The following COLEC10 variants were observed in gnomAD, a reference collection of about 807,000 sequenced individuals.
The protein encoded by COLEC10 is collectin subfamily member 10.
Under a neutral mutation model 28.4 loss-of-function variants are expected in COLEC10, and 22 were observed. That is an observed-to-expected ratio of 0.78 (90% CI 0.55 to 1.11). The LOEUF (loss-of-function observed/expected upper bound fraction) is 1.11, where lower values mean the gene tolerates loss of function less well. Ranked by LOEUF, COLEC10 falls within the 50% of genes least tolerant of loss-of-function variation. COLEC10 has a pLI of 0.00. For missense variants in COLEC10, 361 were observed against 344.1 expected (o/e 1.05, Z -0.39); for synonymous variants, 125 against 116.1 (o/e 1.08, Z -0.49).
the COLEC10 span, among the ~76,000 whole-genome samples, chr8:118,978,546 A>G: frequency 8.7e-6 from 1 of 115,470 alleles, no homozygotes; most frequent in East Asian, 2.9e-4. Context: ...CTCTTCCAAG[A>G]TAACTATTTG....
chr8:119,054,829 A>G (rs1485313), intron 2 of COLEC10, among the ~76,000 whole-genome samples: 2,190 of 152,208 alleles, frequency 0.014, 54 homozygotes, highest in African/African-American at 0.05. Flanking sequence ...AAAAGTAATT[A>G]TGTGTATAAA....
At chr8:119,013,680 G>C (rs1317895011) in intron 2 of COLEC10, among the ~76,000 whole-genome samples, 1 of 150,538 alleles carries the variant, frequency 6.6e-6, no homozygotes, top group African/African-American at 2.5e-5. Flanking sequence ...ATTAAGTATT[G>C]TTATGTCTTT....
chr8:118,997,557 T>C (rs1278082038), intron 1 of COLEC10, among the ~76,000 whole-genome samples: 1 of 152,190 alleles, frequency 6.6e-6, no homozygotes, highest in Non-Finnish European at 1.5e-5. Flanking sequence ...CATTTTTCAA[T>C]GAGAAACAGA....
chr8:119,002,733 G>A (rs1406943840), intron 1 of COLEC10, among the ~76,000 whole-genome samples: 1 of 152,124 alleles, frequency 6.6e-6, no homozygotes, highest in Non-Finnish European at 1.5e-5. Flanking sequence ...AGAAGGATGA[G>A]TAGGGTTTAC....
At chr8:118,959,267 A>T in the COLEC10 span, among the ~76,000 whole-genome samples, 1 of 152,228 alleles carries the variant, frequency 6.6e-6, no homozygotes, top group Non-Finnish European at 1.5e-5. Context: ...TAGGATGAAG[A>T]TCTGGAAGTT....
the COLEC10 span, among the ~76,000 whole-genome samples, chr8:118,988,731 C>T: frequency 1.3e-5 from 2 of 152,172 alleles, no homozygotes; most frequent in African/African-American, 4.8e-5. Flanking sequence ...GACACAGACT[C>T]TCTGAGGACT....
intron 3 of COLEC10, among the ~76,000 whole-genome samples, chr8:119,091,595 G>GAGAGAGAGAGAGAA (rs1250359009): frequency 2.9e-5 from 4 of 138,576 alleles, no homozygotes; most frequent in East Asian, 2.2e-4. Flanking sequence ...GAGAGAGAGA[G>GAGAGAGAGAGAGAA]AGAAAGAAAG....
intron 1 of COLEC10, among the ~76,000 whole-genome samples, chr8:119,079,984 T>C (rs1422100950): frequency 6.6e-6 from 1 of 152,192 alleles, no homozygotes; most frequent in African/African-American, 2.4e-5. Flanking sequence ...ATATTGTGTT[T>C]CCTTGCATTT....
intron 1 of COLEC10, among the ~76,000 whole-genome samples, chr8:118,998,963 G>A (rs1377446969): frequency 6.6e-6 from 1 of 151,414 alleles, no homozygotes; most frequent in Non-Finnish European, 1.5e-5. Context: ...TTTATTGGAT[G>A]CCCCCTATTC....
the COLEC10 span, among the ~76,000 whole-genome samples, chr8:118,971,950 C>T: frequency 6.6e-6 from 1 of 152,000 alleles, no homozygotes; most frequent in Admixed American, 6.6e-5. Flanking sequence ...TGCAACCAGA[C>T]TTCTAACCTC....
At chr8:119,080,090 G>A (rs1457812287) in intron 1 of COLEC10, among the ~76,000 whole-genome samples, 1 of 152,100 alleles carries the variant, frequency 6.6e-6, no homozygotes, top group Non-Finnish European at 1.5e-5. Flanking sequence ...CACAGGATGA[G>A]TTAAAAGCCA....
Position 119,012,458 on chromosome 8 carries a change from G to A in COLEC10, n.235+2905G>A, listed in dbSNP as rs1453618229. Among the ~76,000 whole-genome samples the A allele has an allele frequency of 1.3e-5, 2 of 150,478 alleles. 1 individual carries two copies. The highest frequency in any genetic ancestry group is 5.0e-5 in the African/African-American group (2 of 40,236). On this transcript the variant is annotated intron_variant and non_coding_transcript_variant, in intron 2 of 6. Transcript: ENST00000521788. ...CTTGTAAGGTCTTGGTCTGGTTTTA[G>A]TGTTAGGGTAATGCTAGCCTTATAT...
intron 1 of COLEC10, among the ~76,000 whole-genome samples, chr8:118,998,288 A>G (rs770490060): frequency 6.6e-6 from 1 of 152,116 alleles, no homozygotes; most frequent in Non-Finnish European, 1.5e-5. Flanking sequence ...ATTATTCCCA[A>G]TGTGGATAAA....
intron 3 of COLEC10, among the ~76,000 whole-genome samples, chr8:119,096,815 G>C (rs1434860736): frequency 6.6e-6 from 1 of 151,862 alleles, no homozygotes; most frequent in Non-Finnish European, 1.5e-5. Flanking sequence ...GAACATATTT[G>C]ACTAAACTAT....
At chr8:119,077,664 G>A (rs1815275867) in intron 1 of COLEC10, among the ~76,000 whole-genome samples, 1 of 152,160 alleles carries the variant, frequency 6.6e-6, no homozygotes, top group African/African-American at 2.4e-5. Context: ...GAGTCTTAGA[G>A]CAAAGGATGT....
chr8:119,076,002 G>A (rs1176071129), intron 1 of COLEC10, among the ~76,000 whole-genome samples: 2 of 142,052 alleles, frequency 1.4e-5, no homozygotes, highest in African/African-American at 5.3e-5. Flanking sequence ...CTGGGTTCAT[G>A]CCATTCTCCT....
At chr8:119,019,183 G>C (rs1814048034) in intron 2 of COLEC10, among the ~76,000 whole-genome samples, 1 of 152,146 alleles carries the variant, frequency 6.6e-6, no homozygotes, top group Admixed American at 6.6e-5. Context: ...CTTGCACACT[G>C]TGACTCAAAA....
At chr8:119,060,554 G>T (rs932211745) in intron 2 of COLEC10, among the ~76,000 whole-genome samples, 9 of 152,130 alleles carry the variant, frequency 5.9e-5, no homozygotes, top group Non-Finnish European at 1.3e-4. Context: ...TAGCTGAGGT[G>T]ATAGTGAGCT....
At chr8:119,030,492 C>T (rs114025801) in intron 2 of COLEC10, among the ~76,000 whole-genome samples, 6,664 of 151,988 alleles carry the variant, frequency 0.044, 211 homozygotes, top group East Asian at 0.16. Context: ...GGTGAAACCC[C>T]GTCTCTACTA....
Sources: allele counts gnomAD v4.1 joint callset (sites outside exome capture counted in the v4.1 genomes callset), GRCh38; gene constraint gnomAD v4.1.1; transcripts MANE v1.5; gene names NCBI Gene and HGNC (gene_info 2026-07-23, HGNC 2026-07-21).